Variants in TSPAN11 observed in about 807,000 individuals in gnomAD.
TSPAN11 encodes tetraspanin-11.
In TSPAN11, 29 loss-of-function variants were observed where a neutral mutation model predicts 32.9. That is an observed-to-expected ratio of 0.88 (90% CI 0.66 to 1.20). The LOEUF is 1.20. Among genes scored for constraint, TSPAN11 ranks in the 50% most tolerant of loss-of-function variants. TSPAN11 has a pLI of 0.00. For synonymous variants in TSPAN11, 140 were observed against 141.3 expected (o/e 0.99, Z 0.07); for missense variants, 283 against 329.1 (o/e 0.86, Z 1.08).
Position 30,975,516 on chromosome 12 carries a change from C to T in TSPAN11, c.277-3045C>T, listed in dbSNP as rs1938951325. Among the ~76,000 whole-genome samples the T allele has an allele frequency of 1.3e-5, 2 of 152,184 alleles. No individual in the cohort carries two copies. Among genetic ancestry groups the T allele is most frequent in the Non-Finnish European group, 1.5e-5 (1 of 68,036 alleles). On this transcript the variant is annotated intron_variant, in intron 3 of 7. Coordinates refer to ENST00000546076, the MANE Select transcript of TSPAN11 (RefSeq NM_001370302.1). The surrounding 1 kb of genome is among the most constrained non-coding windows in gnomAD (Gnocchi z 4.5). ...CCGCCACTGCCAAGCTCTCTCCCCTCCTCCTGACCACTCCGCAGGTCAGAT... is the reference window on the plus strand; with the variant it reads ...CCGCCACTGCCAAGCTCTCTCCCCTTCTCCTGACCACTCCGCAGGTCAGAT...
Position 30,957,228 on chromosome 12 carries a change from A to ACCCCCCCC in TSPAN11, c.84+3160_84+3167dup, listed in dbSNP as rs56296744. On this transcript the variant is annotated intron_variant, in intron 2 of 7. Transcript: ENST00000546076. ...TTTTTGAGTTGCTGAATGGCCTGGG[A>ACCCCCCCC]CCCCCCCCCCCCCCACACCATGGTC... Among the ~76,000 whole-genome samples the ACCCCCCCC allele has an allele frequency of 5.4e-4, 58 of 107,460 alleles. 3 individuals carry two copies. Among genetic ancestry groups the ACCCCCCCC allele is most frequent in the Non-Finnish European group, 9.7e-4 (48 of 49,514 alleles). 70.5% of individuals were successfully genotyped at this position (107,460 alleles called of 152,430 possible).
chr12:30,962,919 C>A (rs775667155), intron 2 of TSPAN11, among the ~76,000 whole-genome samples: 2 of 152,208 alleles, frequency 1.3e-5, no homozygotes, highest in Admixed American at 6.5e-5. Flanking sequence ...TGTGCATACA[C>A]ACACATTATG....
chr12:30,976,578 G>A (rs1231306456), intron 3 of TSPAN11, among the ~76,000 whole-genome samples: 1 of 152,088 alleles, frequency 6.6e-6, no homozygotes, highest in Admixed American at 6.5e-5. Context: ...AGTACCACAC[G>A]CAGACCCAGG....
the TSPAN11 span, among the ~76,000 whole-genome samples, chr12:31,014,699 C>A: frequency 6.6e-6 from 1 of 152,164 alleles, no homozygotes; most frequent in Admixed American, 6.5e-5. Flanking sequence ...ACTGACAGAA[C>A]AAGGGAGTCT....
chr12:30,971,623 A>T (rs1168955161), intron 3 of TSPAN11, among the ~76,000 whole-genome samples: 1 of 152,032 alleles, frequency 6.6e-6, no homozygotes, highest in African/African-American at 2.4e-5. Flanking sequence ...GGTGGTATGC[A>T]CCTGTAGTCC....
intron 1 of TSPAN11, among the ~76,000 whole-genome samples, chr12:30,944,509 A>C (rs1243556448): frequency 6.6e-6 from 1 of 152,222 alleles, no homozygotes; most frequent in Non-Finnish European, 1.5e-5. Context: ...TTCGCTTAAC[A>C]TAAGCCATTT....
chr12:31,009,561 C>T, the TSPAN11 span, among the ~76,000 whole-genome samples: 1 of 152,244 alleles, frequency 6.6e-6, no homozygotes, highest in East Asian at 1.9e-4. Context: ...AAGCAAGACA[C>T]GTTTTCAGCC....
At chr12:30,971,755 A>T (rs1376751169) in intron 3 of TSPAN11, among the ~76,000 whole-genome samples, 1 of 152,108 alleles carries the variant, frequency 6.6e-6, no homozygotes, top group Non-Finnish European at 1.5e-5. Context: ...ATCTCAAAAA[A>T]AAAAAGAAAT....
At chr12:30,971,816 T>C (rs142263700) in intron 3 of TSPAN11, among the ~76,000 whole-genome samples, 69 of 146,882 alleles carry the variant, frequency 4.7e-4, no homozygotes, top group African/African-American at 1.6e-3. Flanking sequence ...GTGAAATATT[T>C]CTGCATATTT....
chr12:30,978,353 C>A, intron 3 of TSPAN11: 1 of 601,858 alleles, frequency 1.7e-6, no homozygotes, highest in Non-Finnish European at 3.0e-6. Flanking sequence ...GGGTACATGC[C>A]GTACTGAATT....
At chr12:30,984,909 C>T (rs1221559657) in intron 7 of TSPAN11, among the ~76,000 whole-genome samples, 4 of 152,126 alleles carry the variant, frequency 2.6e-5, no homozygotes, top group African/African-American at 9.7e-5. Flanking sequence ...GGTGACTTAC[C>T]CAGGGCCTCA....
downstream of TSPAN11, among the ~76,000 whole-genome samples, chr12:31,001,359 C>T (rs1321637020): frequency 6.6e-6 from 1 of 152,228 alleles, no homozygotes. Context: ...CATCACCTCC[C>T]CTGGAGGGCC....
intron 3 of TSPAN11, among the ~76,000 whole-genome samples, chr12:30,967,904 A>T (rs1374120025): frequency 6.6e-6 from 1 of 151,950 alleles, no homozygotes; most frequent in Non-Finnish European, 1.5e-5. Context: ...AGTAATCCAC[A>T]TCCTGGCCCA....
the TSPAN11 span, among the ~76,000 whole-genome samples, chr12:31,010,498 T>C: frequency 2.6e-5 from 4 of 152,078 alleles, no homozygotes; most frequent in Non-Finnish European, 5.9e-5. Flanking sequence ...TGGGCAACTT[T>C]AAAGCAGATC....
the TSPAN11 span, among the ~76,000 whole-genome samples, chr12:31,009,100 G>A: frequency 6.6e-6 from 1 of 151,348 alleles, no homozygotes; most frequent in Non-Finnish European, 1.5e-5. Flanking sequence ...AAATCAAAAT[G>A]CTCTTCCCCT....
rs113684841 is a variant in TSPAN11 at position 30,943,689 on chromosome 12, C to G, written c.-11-10292C>G. ...TTGATTCTCACACAAAGGAGCTGAG[C>G]TCGGGATCCTTTTGGCTCCTTCCAG... is the stretch of plus-strand genomic sequence containing the variant. On this transcript the variant is annotated intron_variant, in intron 1 of 7. Transcript: ENST00000546076. 1.9e-3 allele frequency among the ~76,000 whole-genome samples: 293 copies of G among 152,324 alleles called. 1 individual carries two copies. The highest frequency in any genetic ancestry group is 6.8e-3 in the African/African-American group (284 of 41,580).
At chr12:30,963,784 G>A in intron 2 of TSPAN11, 42 bp from the exon 3 acceptor site, 1 of 1,584,710 alleles carries the variant, frequency 6.3e-7, no homozygotes, top group Non-Finnish European at 8.5e-7. Context: ...CAGCTGCCGA[G>A]GCCCCCGCCA....
intron 2 of TSPAN11, among the ~76,000 whole-genome samples, chr12:30,956,124 A>T (rs1938473375): frequency 6.6e-6 from 1 of 152,228 alleles, no homozygotes; most frequent in Admixed American, 6.5e-5. Flanking sequence ...GAAATTGTCA[A>T]GATTGGGTCC....
At position 30,992,395 on chromosome 12, in the gene TSPAN11, C is replaced by A. The variant is rs1225689309; in HGVS notation, c.*480C>A. 5.0e-6 allele frequency: 1 copy of A among 198,792 alleles called. No homozygotes were observed. 12.3% of individuals were successfully genotyped at this position (198,792 alleles called of 1,614,324 possible). On this transcript the variant is annotated 3_prime_UTR_variant, in exon 8 of 8. Transcript: ENST00000546076. ...GTGGGGCAGGGAGGGCTGGCATTTC[C>A]CCCAGAAGACCTTGCCCTTTGACCT...
Sources: gnomAD v4.1 joint callset for allele counts (sites outside exome capture counted in the v4.1 genomes callset) on GRCh38, gnomAD v4.1.1 for gene constraint, Gnocchi (gnomAD v3.1) non-coding constraint, MANE v1.5 for transcripts, NCBI Gene and HGNC (gene_info 2026-07-23, HGNC 2026-07-21) for gene names.